Variants in TMEM259 observed in about 807,000 individuals in gnomAD.
TMEM259 encodes the protein membralin.
TMEM259 carries 26 observed loss-of-function variants against 46.7 expected under a neutral mutation model. The observed-to-expected ratio is 0.56, with a 90% confidence interval of 0.41 to 0.77. The LOEUF is 0.77. Among genes scored for constraint, TMEM259 ranks in the 30% least tolerant of loss-of-function variants. The pLI, the probability that TMEM259 is intolerant of heterozygous loss-of-function variation, is 0.00. For missense variants in TMEM259, 930 were observed against 900.5 expected (o/e 1.03, Z -0.42); for synonymous variants, 494 against 395.1 (o/e 1.25, Z -2.97).
rs547941231 is a variant in TMEM259 at position 1,011,742 on chromosome 19, G to T, written c.999C>A (p.Ile333=). The change falls in exon 7 of 11, where the codon ATC becomes ATA. Residue 333 remains isoleucine (I), a splice_region_variant and synonymous_variant. Transcript: ENST00000356663. The part of the protein sequence containing the change: ...RYSHHQIFVF[I]VDLLQMLEMN... ...GCCCTGCGCCGGCGGGACACTCACCGATGAAGACGAAGATCTGGTGGTGTG... is the reference window on the plus strand; with the variant it reads ...GCCCTGCGCCGGCGGGACACTCACCTATGAAGACGAAGATCTGGTGGTGTG... 1 of 1,547,274 alleles carries T rather than the reference G, an allele frequency of 6.5e-7. No homozygotes were observed.
Position 1,010,701 on chromosome 19 carries a change from G to A in TMEM259, c.1512C>T (p.Pro504=), listed in dbSNP as rs765100951. ...DSAGQPPALG[P]VSPGASGSPG... Reference sequence around the variant, plus strand: ...GACTCCCGCTGGCCCCAGGCGAGACGGGGCCCAGGGCGGGGGGCTGGCCGG... The same window carrying A: ...GACTCCCGCTGGCCCCAGGCGAGACAGGGCCCAGGGCGGGGGGCTGGCCGG... Residue 504 remains proline, a synonymous_variant, in exon 11 of 11, where the codon CCC becomes CCT. Coordinates refer to ENST00000356663, the MANE Select transcript of TMEM259 (RefSeq NM_001033026.2). 5.5e-4 allele frequency: 840 copies of A among 1,529,712 alleles called. 2 individuals are homozygous for A. The highest frequency in any genetic ancestry group is 6.2e-4 in the Non-Finnish European group (713 of 1,144,300). The allele number at this position is 1,529,712 out of a possible 1,614,324, so 94.8% of individuals were successfully genotyped here. A position where few individuals can be genotyped will look rare whatever the true frequency, so the allele number is the denominator to read the frequency against.
At chr19:1,016,245 C>T (rs2039108489) in intron 1 of TMEM259, among the ~76,000 whole-genome samples, 1 of 152,128 alleles carries the variant, frequency 6.6e-6, no homozygotes, top group Non-Finnish European at 1.5e-5. Flanking sequence ...GAGGGTTCCC[C>T]TGTGTCCTGG....
chr19:1,009,766 G>C lies in TMEM259; in HGVS notation c.*584C>G, dbSNP rs548316414. 5.4e-5 allele frequency: 34 copies of C among 635,464 alleles called. No homozygotes were observed. The East Asian group carries it at 9.8e-4, about 18-fold the overall frequency. The allele number at this position is 635,464 out of a possible 1,614,324, so 39.4% of individuals were successfully genotyped here. A position where few individuals can be genotyped will look rare whatever the true frequency, so the allele number is the denominator to read the frequency against. On this transcript the variant is annotated 3_prime_UTR_variant, in exon 11 of 11. Coordinates refer to ENST00000356663, the MANE Select transcript of TMEM259 (RefSeq NM_001033026.2). ...TCCCCGAGTGACTGGTTTGGCCGCC[G>C]GCCCACTCCATCCCCGAGTGGGACT...
chr19:1,018,433 G>T (rs558573863), intron 1 of TMEM259, among the ~76,000 whole-genome samples: 1 of 152,298 alleles, frequency 6.6e-6, no homozygotes, highest in African/African-American at 2.4e-5. Context: ...CTCCATGCCA[G>T]CTCAGGGCTG....
Position 1,020,755 on chromosome 19 carries a change from G to A in TMEM259, c.225+17C>T. The A allele has an allele frequency of 7.6e-7, 1 of 1,309,466 alleles. No homozygotes were observed. Among genetic ancestry groups the A allele is most frequent in the Non-Finnish European group, 9.8e-7 (1 of 1,022,034 alleles). The allele number at this position is 1,309,466 out of a possible 1,614,324, so 81.1% of individuals were successfully genotyped here. ...CAGCCGCTGGGGTCAAGGGTCGGGG[G>A]TCGGGGCCGCGGTCACCTTGAGCAG... On this transcript the variant is annotated intron_variant, in intron 1 of 10. Transcript: ENST00000356663. This position sits in a 1 kb window ranked among gnomAD's most constrained non-coding sequence, Gnocchi z 4.0.
intron 10 of TMEM259, 83 bp downstream of exon 10, chr19:1,011,013 C>T (rs2038894873): frequency 6.5e-7 from 1 of 1,546,802 alleles, no homozygotes; most frequent in Non-Finnish European, 8.7e-7. Flanking sequence ...GGGCCGACCC[C>T]ACAGGGCATC....
chr19:1,018,711 C>A (rs1169863885), intron 1 of TMEM259, among the ~76,000 whole-genome samples: 1 of 152,208 alleles, frequency 6.6e-6, no homozygotes, highest in African/African-American at 2.4e-5. Context: ...CCAGGCCAGG[C>A]ATGGTGGCTC....
intron 8 of TMEM259, 33 bp from the exon 9 acceptor site, chr19:1,011,532 C>T (rs1431465353): frequency 5.9e-5 from 25 of 421,222 alleles, no homozygotes; most frequent in Admixed American, 5.3e-4. Flanking sequence ...TTGAAGCGGG[C>T]GGGGCGGGGT....
intron 4 of TMEM259, 46 bp downstream of exon 4, chr19:1,012,417 G>T: frequency 6.5e-7 from 1 of 1,539,588 alleles, no homozygotes. Context: ...AGGGAGGAGG[G>T]GAGGCCCCGC....
At chr19:1,012,644 C>T (rs2038976445) in intron 3 of TMEM259, 71 bp from the exon 4 acceptor site, 1 of 1,520,488 alleles carries the variant, frequency 6.6e-7, no homozygotes, top group African/African-American at 1.4e-5. Context: ...GCAGGCAAGG[C>T]AGGCGTTGAG....
intron 3 of TMEM259, among the ~76,000 whole-genome samples, 192 bp from the exon 4 acceptor site, chr19:1,012,765 T>C (rs1211705013): frequency 6.6e-6 from 1 of 152,172 alleles, no homozygotes; most frequent in South Asian, 2.1e-4. Context: ...CCCTGTGCAC[T>C]GCAGAGGCTG....
Position 1,017,901 on chromosome 19 carries a change from C to T in TMEM259, c.225+2871G>A, listed in dbSNP as rs1374887355. ...GGGGTGCTTCCTGCCTCCAGGCCAC[C>T]GGGGCCTCTCCTTCCACTGCAGCCT... On this transcript the variant is annotated intron_variant, in intron 1 of 10. Coordinates refer to ENST00000356663, the MANE Select transcript of TMEM259 (RefSeq NM_001033026.2). 4.6e-5 allele frequency among the ~76,000 whole-genome samples: 7 copies of T among 152,308 alleles called. No individual in the cohort carries two copies. In the East Asian group the frequency reaches 7.7e-4, roughly 17 times the overall value.
Position 1,020,751 on chromosome 19 carries a change from G to A in TMEM259, c.225+21C>T, listed in dbSNP as rs751713661. ...GGGACAGCCGCTGGGGTCAAGGGTCGGGGGTCGGGGCCGCGGTCACCTTGA... is the reference window on the plus strand; with the variant it reads ...GGGACAGCCGCTGGGGTCAAGGGTCAGGGGTCGGGGCCGCGGTCACCTTGA... On this transcript the variant is annotated intron_variant, in intron 1 of 10. Coordinates refer to ENST00000356663, the MANE Select transcript of TMEM259 (RefSeq NM_001033026.2). This position sits in a 1 kb window ranked among gnomAD's most constrained non-coding sequence, Gnocchi z 4.0. 1 of 1,304,756 alleles carries A rather than the reference G, an allele frequency of 7.7e-7. No individual in the cohort carries two copies. The highest frequency in any genetic ancestry group is 9.8e-7 in the Non-Finnish European group (1 of 1,019,160). The allele number at this position is 1,304,756 out of a possible 1,614,324, so 80.8% of individuals were successfully genotyped here.
rs769621426 is a variant in TMEM259 at position 1,014,453 on chromosome 19, G to A, written c.246C>T (p.Val82=). ...AGAAGACGATGTGGATGTAGGCCAG[G>A]ACGAAGAGCACAAACAGGGCCTAGG... The part of the protein sequence containing the change: ...VLLKALFVLF[V]LAYIHIVFSR... Residue 82 remains valine, a synonymous_variant, in exon 2 of 11, where the codon GTC becomes GTT. Transcript: ENST00000356663. The A allele has an allele frequency of 1.2e-6, 2 of 1,610,606 alleles. No homozygotes were observed. Among genetic ancestry groups the A allele is most frequent in the South Asian group, 1.1e-5 (1 of 90,984 alleles).
rs1274680067 is a variant in TMEM259, at chr19:1,010,436, CAG to C, written c.1775_1776del (p.Ser592Ter). ...ACCGCAGCCCCCAGGGGAGTTGTGT[CAG>C]AAGCTGCGGAGTCACTCGGGGGGAC... Reference protein sequence around the residue: ...DSVPPSDSAASDTTPLGAAVG... With the variant: ...DSVPPSDSAAXDTTPLGAAVG... On this transcript the variant is annotated frameshift_variant, in exon 11 of 11. Coordinates refer to ENST00000356663, the MANE Select transcript of TMEM259 (RefSeq NM_001033026.2). LOFTEE classifies it low-confidence loss of function (END_TRUNC). 6.5e-7 allele frequency: 1 copy of C among 1,533,466 alleles called. No individual in the cohort carries two copies. The highest frequency in any genetic ancestry group is 2.1e-5 in the Admixed American group (1 of 46,638). The allele number at this position is 1,533,466 out of a possible 1,614,324, so 95.0% of individuals were successfully genotyped here. A position where few individuals can be genotyped will look rare whatever the true frequency, so the allele number is the denominator to read the frequency against.
intron 1 of TMEM259, among the ~76,000 whole-genome samples, chr19:1,017,791 C>A (rs968849979): frequency 6.6e-6 from 1 of 152,140 alleles, no homozygotes; most frequent in Non-Finnish European, 1.5e-5. Context: ...CACAAGCCCG[C>A]GGAGCCACAC....
intron 9 of TMEM259, 51 bp from the exon 10 acceptor site, chr19:1,011,246 C>T (rs1189280572): frequency 6.5e-7 from 1 of 1,549,826 alleles, no homozygotes; most frequent in Admixed American, 1.9e-5. Flanking sequence ...CCTGCCAGGC[C>T]CAGCCCCTGG....
chr19:1,012,635 C>T (rs1423027819), intron 3 of TMEM259, 62 bp from the exon 4 acceptor site: 47 of 1,525,332 alleles, frequency 3.1e-5, no homozygotes, highest in Non-Finnish European at 4.0e-5. Context: ...CCACTGCCAG[C>T]AGGCAAGGCA....
chr19:1,012,540 G>T lies in TMEM259; in HGVS notation c.641C>A (p.Ser214Ter). Residue 214 changes from serine (S) to a stop codon, truncating the protein, a stop_gained, in exon 4 of 11, where the codon TCA (serine) becomes TAA (stop). Transcript: ENST00000356663. LOFTEE classifies it high-confidence loss of function. ...WPQDEYIVEYSLEYGFLRLSQ... is the reference protein window; with the variant it reads ...WPQDEYIVEY ...CAGGCGAAGGAAGCCATACTCTAGT[G>T]AGTACTCCACGATGTACTCGTCCTG... 1 of 1,599,200 alleles carries T rather than the reference G, an allele frequency of 6.3e-7. No homozygotes were observed. The highest frequency in any genetic ancestry group is 2.3e-5 in the East Asian group (1 of 44,138).
Sources: gnomAD v4.1 joint callset for allele counts (sites outside exome capture counted in the v4.1 genomes callset) on GRCh38, gnomAD v4.1.1 for gene constraint, Gnocchi (gnomAD v3.1) non-coding constraint, MANE v1.5 for transcripts, NCBI Gene and HGNC (gene_info 2026-07-23, HGNC 2026-07-21) for gene names.